Variants in TMEM65 observed in about 807,000 individuals in gnomAD.
TMEM65 encodes transmembrane protein 65.
A neutral mutation model predicts 25.4 loss-of-function variants in TMEM65; 22 were observed. The ratio of observed to expected loss-of-function variants is 0.86; its 90% CI spans 0.62 to 1.23. The LOEUF (loss-of-function observed/expected upper bound fraction) is 1.23. Among genes scored for constraint, TMEM65 ranks in the 50% most tolerant of loss-of-function variants. The probability of loss-of-function intolerance (pLI) is 0.00; values close to 1 mark genes in which losing one functional copy is unlikely to be tolerated. For synonymous variants in TMEM65, 132 were observed against 126.2 expected, an observed-to-expected ratio of 1.05 and a Z score of -0.31; for missense variants, 262 against 308.2, an observed-to-expected ratio of 0.85 and a Z score of 1.12.
chr8:124,346,751 C>A (rs1586467643), intron 1 of TMEM65, among the ~76,000 whole-genome samples: 2 of 152,232 alleles, frequency 1.3e-5, no homozygotes, highest in Middle Eastern at 6.8e-3. Flanking sequence ...AGGAAGTAGA[C>A]ATGACAACAC....
At chr8:124,353,891 G>C (rs1194232783) in intron 1 of TMEM65, among the ~76,000 whole-genome samples, 1 of 152,094 alleles carries the variant, frequency 6.6e-6, no homozygotes, top group Non-Finnish European at 1.5e-5. Context: ...CTTCACAAAA[G>C]ACTTATAAAT....
At position 124,306,436 on chromosome 8, in the gene TMEM65, C is replaced by T. The variant is rs936515808; in HGVS notation, c.*7524G>A. On this transcript the variant is annotated 3_prime_UTR_variant, in exon 7 of 7. Coordinates refer to ENST00000297632, the MANE Select transcript of TMEM65 (RefSeq NM_194291.3). ...AAGTCATAAAGTTGATTCTCAAACA[C>T]GGGTTTGAACTGCATAGGACCGCTT... 6.6e-6 allele frequency: 1 copy of T among 152,024 alleles called. No individual in the cohort carries two copies. Among genetic ancestry groups the T allele is most frequent in the Non-Finnish European group, 1.5e-5 (1 of 68,018 alleles). 9.4% of individuals were successfully genotyped at this position (152,024 alleles called of 1,614,324 possible).
chr8:124,352,857 T>C (rs546394386), intron 1 of TMEM65, among the ~76,000 whole-genome samples: 2 of 152,300 alleles, frequency 1.3e-5, no homozygotes, highest in Admixed American at 6.5e-5. Context: ...CCGGGTCCAG[T>C]GGCTCACGCC....
At chr8:124,340,834 AAAG>A (rs1814575865) in intron 1 of TMEM65, among the ~76,000 whole-genome samples, 2 of 152,154 alleles carry the variant, frequency 1.3e-5, no homozygotes, top group Non-Finnish European at 2.9e-5. Context: ...CCAAAAATCC[AAAG>A]AAGATAGATA....
chr8:124,366,834 A>G (rs982230883), intron 1 of TMEM65, among the ~76,000 whole-genome samples: 9 of 152,220 alleles, frequency 5.9e-5, no homozygotes, highest in African/African-American at 2.2e-4. Flanking sequence ...AGCTTGCTGA[A>G]ATATACTACT....
Position 124,320,119 on chromosome 8 carries a change from A to G in TMEM65, c.588T>C (p.Val196=), listed in dbSNP as rs749158953. The change falls in exon 6 of 7, where the codon GTT becomes GTC. Residue 196 remains valine, a synonymous_variant. Transcript: ENST00000297632. ...TACTAAGACGTGTTTGCCACATGTCAACTTGCTTTGGTGTGAGATCAGGAA... is the reference window on the plus strand; with the variant it reads ...TACTAAGACGTGTTTGCCACATGTCGACTTGCTTTGGTGTGAGATCAGGAA... ...LSIPDLTPKQ[V]DMWQTRLSTH... is the part of the protein sequence containing the mutation. 1.1e-5 allele frequency: 18 copies of G among 1,613,342 alleles called. No homozygotes were observed. The highest frequency in any genetic ancestry group is 1.5e-5 in the Non-Finnish European group (18 of 1,179,464).
At position 124,313,552 on chromosome 8, in the gene TMEM65, C is replaced by CT. The variant is rs1814193457; in HGVS notation, c.*407dup. ...AAAATCTTTAACTGACATTAAACAT[C>CT]TTAAGTAATTTGGAAAAATCCCAAG... On this transcript the variant is annotated 3_prime_UTR_variant, in exon 7 of 7. Transcript: ENST00000297632. 6.5e-6 allele frequency: 1 copy of CT among 154,916 alleles called. No homozygotes were observed. Among genetic ancestry groups the CT allele is most frequent in the African/African-American group, 2.4e-5 (1 of 41,436 alleles). The allele number at this position is 154,916 out of a possible 1,614,324, so 9.6% of individuals were successfully genotyped here. A position where few individuals can be genotyped will look rare whatever the true frequency, so the allele number is the denominator to read the frequency against.
At position 124,310,902 on chromosome 8, in the gene TMEM65, T is replaced by C. The variant is rs528855869; in HGVS notation, c.*3058A>G. Reference sequence around the variant, plus strand: ...ACTGCATTACCACACAATAATAATATACATAAAGATAATGCTTAGCCACTA... The same window carrying C: ...ACTGCATTACCACACAATAATAATACACATAAAGATAATGCTTAGCCACTA... On this transcript the variant is annotated 3_prime_UTR_variant, in exon 7 of 7. Transcript: ENST00000297632. The C allele has an allele frequency of 1.3e-5, 2 of 152,046 alleles. No individual in the cohort carries two copies. Among genetic ancestry groups the C allele is most frequent in the African/African-American group, 4.8e-5 (2 of 41,482 alleles). The allele number at this position is 152,046 out of a possible 1,614,324, so 9.4% of individuals were successfully genotyped here.
At chr8:124,327,143 A>G (rs750403232) in intron 3 of TMEM65, among the ~76,000 whole-genome samples, 8 of 151,988 alleles carry the variant, frequency 5.3e-5, no homozygotes, top group African/African-American at 1.9e-4. Flanking sequence ...CCAAAAGTCT[A>G]TTTGTCTAAA....
chr8:124,367,791 A>G (rs573710883), intron 1 of TMEM65, among the ~76,000 whole-genome samples: 6 of 152,326 alleles, frequency 3.9e-5, no homozygotes, highest in Admixed American at 1.3e-4. Context: ...TGGTTAATGT[A>G]TACAGACGTA....
chr8:124,357,689 T>C (rs1475972875), intron 1 of TMEM65, among the ~76,000 whole-genome samples: 2 of 152,266 alleles, frequency 1.3e-5, no homozygotes, highest in East Asian at 3.9e-4. Flanking sequence ...ATTAAACTTT[T>C]ATTGACCATG....
At position 124,330,790 on chromosome 8, in the gene TMEM65, T is replaced by C; in HGVS notation, c.307A>G (p.Lys103Glu). 6.3e-7 allele frequency: 1 copy of C among 1,578,194 alleles called. No individual in the cohort carries two copies. Among genetic ancestry groups the C allele is most frequent in the Non-Finnish European group, 8.6e-7 (1 of 1,166,500 alleles). The change falls in exon 2 of 7, where the codon AAA becomes GAA. Residue 103 changes from lysine (K) to glutamate (E), a missense_variant and splice_region_variant. Lys to Glu is a moderately conservative substitution (Grantham distance 56). Transcript: ENST00000297632. ...RFESIAIAQE[K>E]LEAPPPTPGQ... Reference sequence around the variant, plus strand: ...GGGGTGGGTGGTGGAGCTTCCAATTTTTCTAAAGGGGAGAAAAAGGATGTG... The same window carrying C: ...GGGGTGGGTGGTGGAGCTTCCAATTCTTCTAAAGGGGAGAAAAAGGATGTG...
At chr8:124,332,908 C>A (rs1258938031) in intron 1 of TMEM65, among the ~76,000 whole-genome samples, 1 of 152,050 alleles carries the variant, frequency 6.6e-6, no homozygotes, top group African/African-American at 2.4e-5. Context: ...CAGATTTAAG[C>A]GATTCTCCTG....
At chr8:124,352,365 A>T (rs902323771) in intron 1 of TMEM65, among the ~76,000 whole-genome samples, 1 of 152,094 alleles carries the variant, frequency 6.6e-6, no homozygotes, top group Non-Finnish European at 1.5e-5. Flanking sequence ...GGGCATTAAA[A>T]TTTAATATAC....
chr8:124,319,748 A>T (rs998098524), intron 6 of TMEM65, among the ~76,000 whole-genome samples: 5 of 152,128 alleles, frequency 3.3e-5, no homozygotes, highest in Non-Finnish European at 5.9e-5. Flanking sequence ...ATACCAAATT[A>T]TAATTTGTTT....
chr8:124,372,161 G>T lies in TMEM65; in HGVS notation c.-4C>A. 1.6e-6 allele frequency: 2 copies of T among 1,272,112 alleles called. No individual in the cohort carries two copies. Among genetic ancestry groups the T allele is most frequent in the Non-Finnish European group, 2.0e-6 (2 of 1,004,350 alleles). The allele number at this position is 1,272,112 out of a possible 1,614,324, so 78.8% of individuals were successfully genotyped here. A position where few individuals can be genotyped will look rare whatever the true frequency, so the allele number is the denominator to read the frequency against. On this transcript the variant is annotated 5_prime_UTR_variant, in exon 1 of 7. Transcript: ENST00000297632. ...GCAGCGGCAGCAGCCGGGACATGGCGAGCTGAGGAGCTGGGACCCCCGCGG... is the reference window on the plus strand; with the variant it reads ...GCAGCGGCAGCAGCCGGGACATGGCTAGCTGAGGAGCTGGGACCCCCGCGG...
In TMEM65 at chr8:124,312,792, TCTC is replaced by T. The variant is rs1212066231; in HGVS notation, c.*1165_*1167del. ...AAGAAAAACAAAGGGAAAAAGGATTTCTCCTCATGTAATTTTTGAGTAGACTAT... is the reference window on the plus strand; with the variant it reads ...AAGAAAAACAAAGGGAAAAAGGATTTCTCATGTAATTTTTGAGTAGACTAT... On this transcript the variant is annotated 3_prime_UTR_variant, in exon 7 of 7. Coordinates refer to ENST00000297632, the MANE Select transcript of TMEM65 (RefSeq NM_194291.3). 1 of 151,874 alleles carries T rather than the reference TCTC, an allele frequency of 6.6e-6. No individual in the cohort carries two copies. The highest frequency in any genetic ancestry group is 1.5e-5 in the Non-Finnish European group (1 of 67,806). 9.4% of individuals were successfully genotyped at this position (151,874 alleles called of 1,614,324 possible). A position where few individuals can be genotyped will look rare whatever the true frequency, so the allele number is the denominator to read the frequency against.
chr8:124,356,253 T>C (rs1006517387), intron 1 of TMEM65, among the ~76,000 whole-genome samples: 7 of 152,284 alleles, frequency 4.6e-5, no homozygotes, highest in African/African-American at 1.2e-4. Flanking sequence ...GCTATATAAG[T>C]ATGTGGGCCC....
At chr8:124,324,460 A>C (rs907986449) in intron 3 of TMEM65, among the ~76,000 whole-genome samples, 17 of 152,062 alleles carry the variant, frequency 1.1e-4, no homozygotes, top group Admixed American at 9.8e-4. Flanking sequence ...ACCCCAAGAA[A>C]CAGATTTCTG....
Sources: allele counts gnomAD v4.1 joint callset (sites outside exome capture counted in the v4.1 genomes callset), GRCh38; gene constraint gnomAD v4.1.1; transcripts MANE v1.5; gene names NCBI Gene and HGNC (gene_info 2026-07-23, HGNC 2026-07-21).